Variants in PIGU observed in about 807,000 individuals in gnomAD.
PIGU encodes GPI-anchor transamidase component PIGU.
Under a neutral mutation model 49.9 loss-of-function variants are expected in PIGU, and 24 were observed. That is an observed-to-expected ratio of 0.48 (90% CI 0.35 to 0.68). PIGU has a LOEUF of 0.68. PIGU is among the 30% of genes least tolerant of loss of function. PIGU has a pLI of 0.01. For synonymous variants in PIGU, 220 were observed against 205.7 expected, an observed-to-expected ratio of 1.07 and a Z score of -0.59; for missense variants, 490 against 532.6, an observed-to-expected ratio of 0.92 and a Z score of 0.79.
chr20:34,594,960 G>A (rs1984136389), intron 7 of PIGU, among the ~76,000 whole-genome samples: 1 of 150,518 alleles, frequency 6.6e-6, no homozygotes, highest in Non-Finnish European at 1.5e-5. Flanking sequence ...GGCATGGTGG[G>A]GGGCGCCTGT....
intron 1 of PIGU, among the ~76,000 whole-genome samples, chr20:34,664,526 C>T (rs1987026764): frequency 6.6e-6 from 1 of 151,544 alleles, no homozygotes; most frequent in East Asian, 1.9e-4. Context: ...TGGTGAAACC[C>T]TGTCTTTACT....
At chr20:34,647,948 A>G (rs1475487659) in intron 2 of PIGU, among the ~76,000 whole-genome samples, 1 of 152,036 alleles carries the variant, frequency 6.6e-6, no homozygotes, top group Non-Finnish European at 1.5e-5. Context: ...TGACTGAAAG[A>G]GGTATGTTAA....
At chr20:34,564,299 T>A (rs957734025) in intron 11 of PIGU, among the ~76,000 whole-genome samples, 1 of 152,232 alleles carries the variant, frequency 6.6e-6, no homozygotes, top group African/African-American at 2.4e-5. Context: ...GGTGGGGGCT[T>A]ACAGGAACTC....
At chr20:34,578,446 A>G (rs1259374605) in intron 10 of PIGU, among the ~76,000 whole-genome samples, 2 of 152,208 alleles carry the variant, frequency 1.3e-5, no homozygotes, top group Non-Finnish European at 2.9e-5. Flanking sequence ...CCTGGAAATT[A>G]TTTTGCTGAA....
intron 7 of PIGU, among the ~76,000 whole-genome samples, chr20:34,594,096 G>A (rs1046733487): frequency 2.0e-5 from 3 of 147,862 alleles, no homozygotes; most frequent in South Asian, 2.2e-4. Flanking sequence ...AGGATCACTT[G>A]AGCCCAGGAG....
chr20:34,642,301 C>T (rs1011160482), intron 4 of PIGU, among the ~76,000 whole-genome samples: 4 of 152,102 alleles, frequency 2.6e-5, no homozygotes, highest in African/African-American at 9.7e-5. Context: ...CCTTGACCTC[C>T]CATGCTCAAG....
chr20:34,584,584 G>A (rs905522311), intron 9 of PIGU, among the ~76,000 whole-genome samples: 12 of 139,186 alleles, frequency 8.6e-5, no homozygotes, highest in Admixed American at 5.5e-4. Flanking sequence ...CAAGCAGCTC[G>A]CTGAAGCCTC....
In PIGU at chr20:34,636,677, G is replaced by T. The variant is rs892300062; in HGVS notation, c.428+1199C>A. Among the ~76,000 whole-genome samples, 9 of 152,314 alleles carry T rather than the reference G, an allele frequency of 5.9e-5. 1 individual carries two copies. In the South Asian group the frequency reaches 1.9e-3, roughly 32 times the overall value. On this transcript the variant is annotated intron_variant, in intron 5 of 11. Coordinates refer to ENST00000217446, the MANE Select transcript of PIGU (RefSeq NM_080476.5). ...TACAAATTCGGCTCTGAGTTTCCTG[G>T]CAGAGAAAGTGAAAAGGTAGACTAG...
At chr20:34,638,115 C>A (rs1053992444) in intron 4 of PIGU, 130 bp from the exon 5 acceptor site, 2 of 1,377,614 alleles carry the variant, frequency 1.5e-6, no homozygotes, top group East Asian at 5.7e-5. Context: ...CCTCTCCAGG[C>A]TCATCTCACA....
In PIGU at chr20:34,655,485, T is replaced by C. The variant is rs1986674838; in HGVS notation, c.195+1695A>G. Among the ~76,000 whole-genome samples, 2 of 119,662 alleles carry C rather than the reference T, an allele frequency of 1.7e-5. 1 individual carries two copies. The highest frequency in any genetic ancestry group is 3.6e-5 in the Non-Finnish European group (2 of 56,160). 78.5% of individuals were successfully genotyped at this position (119,662 alleles called of 152,430 possible). ...AGGAGTTTGAGAGCATCCTGGCTAA[T>C]ATGATGAAACCCCGTCTCTACTAAA... On this transcript the variant is annotated intron_variant, in intron 2 of 11. Coordinates refer to ENST00000217446, the MANE Select transcript of PIGU (RefSeq NM_080476.5).
intron 3 of PIGU, among the ~76,000 whole-genome samples, chr20:34,645,068 G>A (rs1008029978): frequency 2.0e-5 from 3 of 151,018 alleles, no homozygotes; most frequent in African/African-American, 7.3e-5. Flanking sequence ...AACACAAGAT[G>A]ACAAGCCGGG....
intron 11 of PIGU, among the ~76,000 whole-genome samples, chr20:34,564,206 A>G (rs1269950636): frequency 1.3e-5 from 2 of 152,230 alleles, no homozygotes; most frequent in African/African-American, 4.8e-5. Flanking sequence ...GTTTCAGACT[A>G]ATAGTAACGT....
chr20:34,637,489 C>A (rs540133196), intron 5 of PIGU, among the ~76,000 whole-genome samples: 39 of 152,258 alleles, frequency 2.6e-4, no homozygotes, highest in African/African-American at 9.1e-4. Context: ...AAATGGAGGA[C>A]TATACTGTAC....
intron 1 of PIGU, among the ~76,000 whole-genome samples, chr20:34,664,937 G>T (rs1987038553): frequency 6.6e-6 from 1 of 151,962 alleles, no homozygotes; most frequent in Non-Finnish European, 1.5e-5. Context: ...CTGTGATTGT[G>T]CCACTGCACT....
chr20:34,609,647 G>A (rs776231739), intron 7 of PIGU, among the ~76,000 whole-genome samples: 2 of 152,146 alleles, frequency 1.3e-5, no homozygotes, highest in African/African-American at 2.4e-5. Flanking sequence ...TTACAGACAT[G>A]AGCCATTACA....
chr20:34,669,403 A>T (rs1042470593), intron 1 of PIGU, among the ~76,000 whole-genome samples: 8 of 152,152 alleles, frequency 5.3e-5, no homozygotes, highest in Non-Finnish European at 8.8e-5. Flanking sequence ...GCAGTGACTC[A>T]TGCCTGTAAT....
intron 8 of PIGU, among the ~76,000 whole-genome samples, chr20:34,586,331 C>T (rs1172300738): frequency 6.6e-6 from 1 of 151,324 alleles, no homozygotes; most frequent in Non-Finnish European, 1.5e-5. Flanking sequence ...CTGACTGAGG[C>T]CTCCGCCCAG....
At chr20:34,574,685 C>A (rs1027405124) in intron 11 of PIGU, among the ~76,000 whole-genome samples, 4 of 152,172 alleles carry the variant, frequency 2.6e-5, no homozygotes, top group Non-Finnish European at 5.9e-5. Flanking sequence ...CTCCCCCTCA[C>A]TCTATCTACT....
intron 7 of PIGU, among the ~76,000 whole-genome samples, chr20:34,615,378 GTGT>G (rs1281052156): frequency 6.6e-6 from 1 of 152,190 alleles, no homozygotes; most frequent in Non-Finnish European, 1.5e-5. Context: ...TACAAGGTGA[GTGT>G]TATTATAAAG....
Sources: allele counts gnomAD v4.1 joint callset (sites outside exome capture counted in the v4.1 genomes callset), GRCh38; gene constraint gnomAD v4.1.1; transcripts MANE v1.5; gene names NCBI Gene and HGNC (gene_info 2026-07-23, HGNC 2026-07-21).